Variants in RBPMS observed in about 807,000 individuals in gnomAD.
RBPMS encodes the protein RNA binding protein, mRNA processing factor.
Under a neutral mutation model 26.8 loss-of-function variants are expected in RBPMS, and 7 were observed. That is an observed-to-expected ratio of 0.26 (90% CI 0.15 to 0.49). The LOEUF (loss-of-function observed/expected upper bound fraction) is 0.49. Among genes scored for constraint, RBPMS ranks in the 20% least tolerant of loss-of-function variants. The pLI, the probability that RBPMS is intolerant of heterozygous loss-of-function variation, is 0.98. For missense variants in RBPMS, 186 were observed against 250.0 expected (o/e 0.74, Z 1.73); for synonymous variants, 96 against 93.3 (o/e 1.03, Z -0.17).
intron 5 of RBPMS, among the ~76,000 whole-genome samples, chr8:30,521,949 C>T (rs1823087829): frequency 6.6e-6 from 1 of 152,062 alleles, no homozygotes; most frequent in Non-Finnish European, 1.5e-5. Context: ...AACAAATTTT[C>T]AGTTAGGAGA....
At chr8:30,410,932 G>C (rs1346026192) in intron 1 of RBPMS, among the ~76,000 whole-genome samples, 1 of 152,066 alleles carries the variant, frequency 6.6e-6, no homozygotes, top group Non-Finnish European at 1.5e-5. Flanking sequence ...AAGGGATGGG[G>C]TGTTGCTACT....
intron 1 of RBPMS, among the ~76,000 whole-genome samples, chr8:30,440,359 A>G (rs1812936630): frequency 6.6e-6 from 1 of 151,776 alleles, no homozygotes; most frequent in Non-Finnish European, 1.5e-5. Context: ...CATCCACCCC[A>G]CCTCTAACCC....
chr8:30,498,858 AATATATTTTAAAT>A (rs1372253809), intron 4 of RBPMS, among the ~76,000 whole-genome samples: 1 of 151,948 alleles, frequency 6.6e-6, no homozygotes, highest in Non-Finnish European at 1.5e-5. Context: ...AATACATCTA[AATATATTTTAAAT>A]ATATTAAAAT....
chr8:30,517,189 C>CGTGTGTGTGTGTGTGTGT (rs56327512), intron 5 of RBPMS, among the ~76,000 whole-genome samples: 1 of 132,474 alleles, frequency 7.5e-6, no homozygotes, highest in Non-Finnish European at 1.6e-5. Context: ...GCCAAGACCC[C>CGTGTGTGTGTGTGTGTGT]GTGTGTGTGT....
chr8:30,569,988 C>T (rs1223364135), intron 8 of RBPMS, among the ~76,000 whole-genome samples: 1 of 152,172 alleles, frequency 6.6e-6, no homozygotes, highest in African/African-American at 2.4e-5. Context: ...CTCCGCCGGC[C>T]GTTACCCGCT....
intron 5 of RBPMS, among the ~76,000 whole-genome samples, chr8:30,534,064 G>T (rs1027027992): frequency 3.3e-5 from 5 of 151,998 alleles, no homozygotes; most frequent in African/African-American, 1.2e-4. Context: ...AACCTGGGAG[G>T]CGGAGGTTGC....
intron 3 of RBPMS, 27 bp downstream of exon 3, chr8:30,477,864 G>T (rs546875286): frequency 1.3e-6 from 2 of 1,522,036 alleles, no homozygotes; most frequent in East Asian, 4.5e-5. Context: ...GGCATATAAA[G>T]ATCACTTTTT....
chr8:30,545,048 ACT>A lies in RBPMS; in HGVS notation c.528+428_528+429del. 5 of 1,391,310 alleles carry A rather than the reference ACT, an allele frequency of 3.6e-6. 1 individual carries two copies. The African/African-American group carries it at 7.3e-5, about 20-fold the overall frequency. The allele number at this position is 1,391,310 out of a possible 1,614,324, so 86.2% of individuals were successfully genotyped here. On this transcript the variant is annotated intron_variant, in intron 6 of 8. Coordinates refer to ENST00000397323, the MANE Select transcript of RBPMS (RefSeq NM_001008710.3). ...TGTTTCTGTGTGTTGAGAGTTTTCCACTCTCGTGTACGGTGAGAAGAATCTCT... is the reference window on the plus strand; with the variant it reads ...TGTTTCTGTGTGTTGAGAGTTTTCCACTCGTGTACGGTGAGAAGAATCTCT...
chr8:30,466,936 G>A (rs2150800712), intron 1 of RBPMS, among the ~76,000 whole-genome samples: 1 of 152,282 alleles, frequency 6.6e-6, no homozygotes, highest in African/African-American at 2.4e-5. Flanking sequence ...AATCCTTGGT[G>A]TCTGTAGCAA....
chr8:30,457,472 T>A lies in RBPMS; in HGVS notation c.67-17307T>A, dbSNP rs1035904741. 4.6e-5 allele frequency among the ~76,000 whole-genome samples: 7 copies of A among 152,248 alleles called. No homozygotes were observed. The South Asian group carries it at 1.2e-3, about 27-fold the overall frequency. On this transcript the variant is annotated intron_variant, in intron 1 of 8. Transcript: ENST00000397323. ...GTTTAGTGATATGCAATTTGTTCAG[T>A]GGTAATGTTCTGTTTCTTTAATAGC...
At chr8:30,435,908 G>C (rs1029348723) in intron 1 of RBPMS, among the ~76,000 whole-genome samples, 7 of 152,192 alleles carry the variant, frequency 4.6e-5, no homozygotes, top group Admixed American at 6.6e-5. Flanking sequence ...CTGGCCTCAG[G>C]TGATCCTCCT....
intron 1 of RBPMS, among the ~76,000 whole-genome samples, chr8:30,419,450 A>G (rs1299605288): frequency 1.4e-5 from 2 of 143,176 alleles, no homozygotes; most frequent in Non-Finnish European, 3.0e-5. Flanking sequence ...CATCTCAAAA[A>G]TGTGTGTGTG....
intron 1 of RBPMS, among the ~76,000 whole-genome samples, chr8:30,423,820 T>TTTGG (rs1446425960): frequency 3.8e-5 from 2 of 51,968 alleles, no homozygotes; most frequent in African/African-American, 1.5e-4. Context: ...TGGATGGGTT[T>TTTGG]TTTGTTTTTT....
intron 5 of RBPMS, among the ~76,000 whole-genome samples, chr8:30,539,146 TA>T (rs1459015680): frequency 6.6e-6 from 1 of 152,196 alleles, no homozygotes; most frequent in Non-Finnish European, 1.5e-5. Flanking sequence ...TTATTCCTAT[TA>T]AAAATGGAAT....
intron 4 of RBPMS, among the ~76,000 whole-genome samples, chr8:30,502,322 G>A (rs1820647284): frequency 6.6e-6 from 1 of 152,152 alleles, no homozygotes; most frequent in Non-Finnish European, 1.5e-5. Flanking sequence ...AACACATGAT[G>A]TGGAGCTTCA....
chr8:30,478,570 G>A (rs1322751792), intron 3 of RBPMS, among the ~76,000 whole-genome samples: 1 of 151,670 alleles, frequency 6.6e-6, no homozygotes, highest in Non-Finnish European at 1.5e-5. Context: ...CGCGATCTCG[G>A]CTCACTGCAA....
intron 1 of RBPMS, among the ~76,000 whole-genome samples, chr8:30,414,147 G>A (rs1049410130): frequency 2.0e-5 from 3 of 151,188 alleles, no homozygotes; most frequent in Admixed American, 2.0e-4. Flanking sequence ...AGAACAACAG[G>A]CAGTGGGTCA....
chr8:30,557,841 G>A (rs763332864), intron 6 of RBPMS, among the ~76,000 whole-genome samples: 1 of 152,204 alleles, frequency 6.6e-6, no homozygotes, highest in Non-Finnish European at 1.5e-5. Flanking sequence ...AAAGACAAAC[G>A]GCGCTTGCCC....
chr8:30,504,525 T>C lies in RBPMS; in HGVS notation c.397+89T>C, dbSNP rs574649082. On this transcript the variant is annotated intron_variant, in intron 5 of 8. Coordinates refer to ENST00000397323, the MANE Select transcript of RBPMS (RefSeq NM_001008710.3). The stretch of plus-strand genomic sequence containing the variant: ...GAGGTTACACCATGGGACATGGAGC[T>C]GGCTGAGTCTTATTTTCCATTTCTG... The C allele has an allele frequency of 1.1e-4, 149 of 1,307,038 alleles. 2 individuals are homozygous for C. In the South Asian group the frequency reaches 2.1e-3, roughly 18 times the overall value. 81.0% of individuals were successfully genotyped at this position (1,307,038 alleles called of 1,614,324 possible).
Sources: allele counts gnomAD v4.1 joint callset (sites outside exome capture counted in the v4.1 genomes callset), GRCh38; gene constraint gnomAD v4.1.1; transcripts MANE v1.5; gene names NCBI Gene and HGNC (gene_info 2026-07-23, HGNC 2026-07-21).